SMYD3: variants seen among roughly 807,000 people sequenced by gnomAD.
The protein encoded by SMYD3 is histone-lysine N-methyltransferase SMYD3.
In SMYD3, 36 loss-of-function variants were observed where a neutral mutation model predicts 57.7. That is an observed-to-expected ratio of 0.62 (90% CI 0.48 to 0.82). The LOEUF (loss-of-function observed/expected upper bound fraction) is 0.82. Among genes scored for constraint, SMYD3 ranks in the 40% least tolerant of loss-of-function variants. The pLI, the probability that SMYD3 is intolerant of heterozygous loss-of-function variation, is 0.00. For synonymous variants in SMYD3, 211 were observed against 195.0 expected (o/e 1.08, Z -0.68); for missense variants, 515 against 538.8 (o/e 0.96, Z 0.44).
chr1:246,286,877 T>G lies in SMYD3; in HGVS notation c.531+40324A>C, dbSNP rs555850436. Among the ~76,000 whole-genome samples the G allele has an allele frequency of 6.2e-5, 9 of 145,854 alleles. No individual in the cohort carries two copies. The South Asian group carries it at 9.1e-4, about 15-fold the overall frequency. On this transcript the variant is annotated intron_variant, in intron 5 of 11. Coordinates refer to ENST00000490107, the MANE Select transcript of SMYD3 (RefSeq NM_001167740.2). Reference sequence around the variant, plus strand: ...AAGATATAATAAAAAAATCTTTTTTTTTGTTTTTTTTTTTGAGACAGTCTT... The same window carrying G: ...AAGATATAATAAAAAAATCTTTTTTGTTGTTTTTTTTTTTGAGACAGTCTT...
chr1:246,014,307 C>A (rs549022194), intron 5 of SMYD3, among the ~76,000 whole-genome samples: 1 of 152,118 alleles, frequency 6.6e-6, no homozygotes, highest in Non-Finnish European at 1.5e-5. Context: ...GGGTGAAGAA[C>A]AAGACTGTCT....
At position 246,233,390 on chromosome 1, in the gene SMYD3, A is replaced by C. The variant is rs28417437; in HGVS notation, c.531+93811T>G. ...AACATATACCACACAGAGGAGAAGC[A>C]CTCCCCAATTCACACTGTGATGAAC... On this transcript the variant is annotated intron_variant, in intron 5 of 11. Transcript: ENST00000490107. 2.1e-5 allele frequency among the ~76,000 whole-genome samples: 2 copies of C among 95,952 alleles called. 1 individual carries two copies. The highest frequency in any genetic ancestry group is 1.0e-4 in the African/African-American group (2 of 19,070). 62.9% of individuals were successfully genotyped at this position (95,952 alleles called of 152,430 possible).
intron 5 of SMYD3, among the ~76,000 whole-genome samples, chr1:246,115,700 G>C (rs1186208842): frequency 6.6e-6 from 1 of 152,126 alleles, no homozygotes; most frequent in African/African-American, 2.4e-5. Context: ...TGACAGAAAA[G>C]AAAAACATTT....
chr1:245,806,726 A>T (rs562350866), intron 10 of SMYD3, among the ~76,000 whole-genome samples: 11 of 151,558 alleles, frequency 7.3e-5, no homozygotes, highest in African/African-American at 1.7e-4. Context: ...CTGGCTAACA[A>T]GGTGAAACCC....
chr1:246,249,704 T>G (rs914695485), intron 5 of SMYD3, among the ~76,000 whole-genome samples: 3 of 152,194 alleles, frequency 2.0e-5, no homozygotes, highest in Admixed American at 6.5e-5. Flanking sequence ...TTAAAAAATG[T>G]GTGTTTGTAT....
intron 6 of SMYD3, 92 bp from the exon 7 acceptor site, chr1:245,928,125 G>A (rs1037231159): frequency 7.4e-6 from 7 of 952,004 alleles, no homozygotes; most frequent in Middle Eastern, 2.2e-4. Context: ...ACCTTCCTTT[G>A]GGGGGCAGCA....
chr1:245,768,983 C>G (rs2046230041), intron 10 of SMYD3, among the ~76,000 whole-genome samples: 1 of 152,162 alleles, frequency 6.6e-6, no homozygotes, highest in Non-Finnish European at 1.5e-5. Context: ...TTTTTAAAAA[C>G]TGATGCAAAA....
intron 5 of SMYD3, among the ~76,000 whole-genome samples, chr1:246,229,849 T>C (rs145395617): frequency 1.4e-3 from 219 of 152,152 alleles, no homozygotes; most frequent in African/African-American, 4.9e-3. Flanking sequence ...ATTCAAATCA[T>C]AGCACGTGCC....
At chr1:245,863,435 A>G (rs144631533) in intron 9 of SMYD3, among the ~76,000 whole-genome samples, 1,867 of 152,272 alleles carry the variant, frequency 0.012, 16 homozygotes, top group Middle Eastern at 0.027. Flanking sequence ...GCACTGAATG[A>G]TAAGGATTCT....
chr1:246,214,119 A>G (rs1353022946), intron 5 of SMYD3, among the ~76,000 whole-genome samples: 2 of 152,200 alleles, frequency 1.3e-5, no homozygotes, highest in Non-Finnish European at 2.9e-5. Flanking sequence ...AAATGGTGGT[A>G]TTGATCTAAT....
chr1:246,036,474 A>AT (rs200694976), intron 5 of SMYD3, among the ~76,000 whole-genome samples: 7,636 of 150,338 alleles, frequency 0.051, 254 homozygotes, highest in African/African-American at 0.081. Context: ...CCTTTTCTTC[A>AT]TTTTTTACAC....
At chr1:245,791,425 GCAGGAGTCTCAAACT>G (rs1404460748) in intron 10 of SMYD3, among the ~76,000 whole-genome samples, 32 of 152,264 alleles carry the variant, frequency 2.1e-4, no homozygotes, top group Admixed American at 1.3e-3. Context: ...TATGGAAATG[GCAGGAGTCTCAAACT>G]CAGGGCATGG....
At chr1:245,875,077 T>C (rs949147787) in intron 8 of SMYD3, among the ~76,000 whole-genome samples, 10 of 152,264 alleles carry the variant, frequency 6.6e-5, no homozygotes, top group Middle Eastern at 3.2e-3. Flanking sequence ...AGCCGCTTCC[T>C]GGCACGCCAA....
chr1:245,750,614 C>T (rs1247544776), intron 11 of SMYD3, among the ~76,000 whole-genome samples: 1 of 150,866 alleles, frequency 6.6e-6, no homozygotes. Context: ...TTGTTTACTC[C>T]ATTCAGTTTT....
chr1:246,424,952 T>C (rs2067197226), intron 1 of SMYD3, among the ~76,000 whole-genome samples: 1 of 152,214 alleles, frequency 6.6e-6, no homozygotes, highest in Non-Finnish European at 1.5e-5. Context: ...ATACTTTACA[T>C]AGCGATAATA....
intron 8 of SMYD3, among the ~76,000 whole-genome samples, chr1:245,877,977 A>T (rs1433960112): frequency 1.3e-5 from 2 of 152,184 alleles, no homozygotes; most frequent in African/African-American, 4.8e-5. Context: ...AAAGCGGAGA[A>T]GTAAAGGAGG....
intron 1 of SMYD3, among the ~76,000 whole-genome samples, chr1:246,403,621 A>T (rs912086748): frequency 1.2e-4 from 19 of 152,238 alleles, no homozygotes; most frequent in Non-Finnish European, 2.5e-4. Context: ...AGGTATAATC[A>T]GTGGTAAGAA....
chr1:246,379,301 G>T (rs914645293), intron 1 of SMYD3, among the ~76,000 whole-genome samples: 1 of 151,864 alleles, frequency 6.6e-6, no homozygotes, highest in African/African-American at 2.4e-5. Context: ...TTGGCTCACA[G>T]GAGTGCTCAG....
intron 5 of SMYD3, among the ~76,000 whole-genome samples, chr1:246,182,621 T>G (rs1314751119): frequency 2.0e-5 from 3 of 152,234 alleles, no homozygotes; most frequent in Non-Finnish European, 2.9e-5. Flanking sequence ...GATCCATTTC[T>G]GAAACAGTTA....
Sources: gnomAD v4.1 joint callset for allele counts (sites outside exome capture counted in the v4.1 genomes callset) on GRCh38, gnomAD v4.1.1 for gene constraint, MANE v1.5 for transcripts, NCBI Gene and HGNC (gene_info 2026-07-23, HGNC 2026-07-21) for gene names.